MYZAP: variants seen among roughly 807,000 people sequenced by gnomAD.
MYZAP encodes the protein GRINL1A complex locus upstream.
MYZAP carries 66 observed loss-of-function variants against 69.4 expected under a neutral mutation model. The ratio of observed to expected loss-of-function variants is 0.95; its 90% confidence interval spans 0.78 to 1.17. The LOEUF (loss-of-function observed/expected upper bound fraction) is 1.17. Among genes scored for constraint, MYZAP ranks in the 50% most tolerant of loss-of-function variants. MYZAP has a pLI of 0.00. For missense variants in MYZAP, 611 were observed against 556.2 expected (o/e 1.10, Z -0.99); for synonymous variants, 256 against 205.9 (o/e 1.24, Z -2.09).
chr15:57,675,291 G>C (rs2039062714), intron 12 of MYZAP, among the ~76,000 whole-genome samples: 1 of 152,142 alleles, frequency 6.6e-6, no homozygotes, highest in East Asian at 1.9e-4. Context: ...GCCATTTAGA[G>C]AGAGATGGGC....
At chr15:57,655,712 C>A (rs944834610) in intron 10 of MYZAP, among the ~76,000 whole-genome samples, 1 of 152,156 alleles carries the variant, frequency 6.6e-6, no homozygotes, top group Non-Finnish European at 1.5e-5. Context: ...CATGATTGAT[C>A]GGGCTGCAAG....
Position 57,665,279 on chromosome 15 carries a change from G to A in MYZAP, c.1203+3746G>A, listed in dbSNP as rs539186235. ...TCATCCTGGGAGGGTGAGGCTGGAC[G>A]TGAGTCTTATAGGCTGGCAATATTT... On this transcript the variant is annotated intron_variant, in intron 11 of 12. Transcript: ENST00000267853. 3.4e-4 allele frequency among the ~76,000 whole-genome samples: 52 copies of A among 152,338 alleles called. No homozygotes were observed. The South Asian group carries it at 9.3e-3, about 27-fold the overall frequency.
chr15:57,644,719 G>T (rs573279004), intron 10 of MYZAP, among the ~76,000 whole-genome samples: 3 of 152,208 alleles, frequency 2.0e-5, no homozygotes, highest in African/African-American at 7.2e-5. Flanking sequence ...TCCCATCTTG[G>T]CCTCTCAGAG....
chr15:57,633,803 A>G (rs2036653237), intron 8 of MYZAP, 62 bp downstream of exon 8: 1 of 1,401,172 alleles, frequency 7.1e-7, no homozygotes, highest in Admixed American at 2.6e-5. Flanking sequence ...GGTCCATCTG[A>G]GATACGAGAG....
In MYZAP at chr15:57,592,031, C is replaced by A. The variant is rs544581323; in HGVS notation, c.-4C>A. On this transcript the variant is annotated 5_prime_UTR_variant, in exon 1 of 13. Coordinates refer to ENST00000267853, the MANE Select transcript of MYZAP (RefSeq NM_001018100.5). The stretch of plus-strand genomic sequence containing the variant: ...TCCAGCCCGCTACCGACCGCCGCTG[C>A]GGGATGCTGCGCTCCACGTCCACGG... 5.5e-5 allele frequency: 79 copies of A among 1,435,182 alleles called. No individual in the cohort carries two copies. The Middle Eastern group carries it at 9.7e-4, about 18-fold the overall frequency. The allele number at this position is 1,435,182 out of a possible 1,614,324, so 88.9% of individuals were successfully genotyped here. A position where few individuals can be genotyped will look rare whatever the true frequency, so the allele number is the denominator to read the frequency against.
intron 10 of MYZAP, chr15:57,646,449 A>C: frequency 9.5e-7 from 1 of 1,053,674 alleles, no homozygotes; most frequent in South Asian, 3.1e-5. Flanking sequence ...GAGTATTTTT[A>C]GGAACTTGAG....
rs192170541 is a variant in MYZAP at position 57,679,303 on chromosome 15, C to T, written c.1304+4235C>T. On this transcript the variant is annotated intron_variant, in intron 12 of 12. Coordinates refer to ENST00000267853, the MANE Select transcript of MYZAP (RefSeq NM_001018100.5). ...ACATGATTTATTTATTTAATAAAGG[C>T]CTTGGATGAAGTCATTCCTGCTTAT... Among the ~76,000 whole-genome samples the T allele has an allele frequency of 9.5e-5, 14 of 147,580 alleles. No individual in the cohort carries two copies. The East Asian group carries it at 2.8e-3, about 30-fold the overall frequency.
At chr15:57,677,003 A>G (rs1259575683) in intron 12 of MYZAP, among the ~76,000 whole-genome samples, 1 of 152,258 alleles carries the variant, frequency 6.6e-6, no homozygotes, top group Non-Finnish European at 1.5e-5. Flanking sequence ...CCGAAAAGGC[A>G]GAATAATATT....
At position 57,684,630 on chromosome 15, in the gene MYZAP, G is replaced by C; in HGVS notation, c.*132G>C. 1 of 650,112 alleles carries C rather than the reference G, an allele frequency of 1.5e-6. No individual in the cohort carries two copies. The highest frequency in any genetic ancestry group is 1.9e-5 in the South Asian group (1 of 52,392). 40.3% of individuals were successfully genotyped at this position (650,112 alleles called of 1,614,324 possible). A position where few individuals can be genotyped will look rare whatever the true frequency, so the allele number is the denominator to read the frequency against. Reference sequence around the variant, plus strand: ...CCGGAATGGGAATCGCTGAGGCTCTGATCCACTTCTAAGACAGGAAGGAAA... The same window carrying C: ...CCGGAATGGGAATCGCTGAGGCTCTCATCCACTTCTAAGACAGGAAGGAAA... On this transcript the variant is annotated 3_prime_UTR_variant, in exon 13 of 13. Coordinates refer to ENST00000267853, the MANE Select transcript of MYZAP (RefSeq NM_001018100.5).
chr15:57,626,958 AAGCCCCACTGGGTCTGGTTTGCTC>A (rs1350241420), intron 5 of MYZAP, among the ~76,000 whole-genome samples: 1 of 152,092 alleles, frequency 6.6e-6, no homozygotes, highest in Non-Finnish European at 1.5e-5. Flanking sequence ...GCCTCAGGCC[AAGCCCCACTGGGTCTGGTTTGCTC>A]AGCAGCCTTT....
At chr15:57,681,901 A>T (rs1487302373) in intron 12 of MYZAP, among the ~76,000 whole-genome samples, 2 of 152,200 alleles carry the variant, frequency 1.3e-5, no homozygotes, top group African/African-American at 4.8e-5. Flanking sequence ...AAAGTTTAAA[A>T]TACACCCCCT....
intron 3 of MYZAP, 28 bp downstream of exon 3, chr15:57,618,216 C>G (rs375935328): frequency 1.2e-6 from 2 of 1,608,028 alleles, no homozygotes; most frequent in South Asian, 1.1e-5. Context: ...TTTTGCCCCC[C>G]ACCTGTATTC....
intron 12 of MYZAP, among the ~76,000 whole-genome samples, chr15:57,675,980 G>A (rs1170922603): frequency 5.9e-5 from 9 of 151,986 alleles, no homozygotes; most frequent in African/African-American, 1.2e-4. Flanking sequence ...GAAAAATGTC[G>A]AATCCTGGAA....
chr15:57,625,893 G>T lies in MYZAP; in HGVS notation c.525+1G>T. The T allele has an allele frequency of 1.9e-6, 3 of 1,613,166 alleles. No individual in the cohort carries two copies. The highest frequency in any genetic ancestry group is 1.1e-5 in the South Asian group (1 of 91,026). ...GGCATCAGATTCCATTGGCCTGCAG[G>T]TACTCATCTGCTTACTGCTATGACA... On this transcript the variant is annotated splice_donor_variant, in intron 5 of 12. Transcript: ENST00000267853. LOFTEE classifies it high-confidence loss of function.
chr15:57,629,437 A>G (rs1834486), intron 5 of MYZAP, among the ~76,000 whole-genome samples: 8,083 of 152,220 alleles, frequency 0.053, 750 homozygotes, highest in African/African-American at 0.18. Context: ...ATTTCCATCC[A>G]TCCTAAGCAG....
chr15:57,648,382 G>T, intron 10 of MYZAP: 1 of 985,308 alleles, frequency 1.0e-6, no homozygotes, highest in Non-Finnish European at 1.2e-6. Context: ...CAGACACCTG[G>T]TGCCCAGTTT....
intron 4 of MYZAP, among the ~76,000 whole-genome samples, chr15:57,625,279 G>T (rs2036061799): frequency 6.6e-6 from 1 of 152,096 alleles, no homozygotes; most frequent in African/African-American, 2.4e-5. Flanking sequence ...TCACCACGTT[G>T]GCCAGGCTGG....
At chr15:57,634,891 G>C (rs1364737681) in intron 8 of MYZAP, among the ~76,000 whole-genome samples, 1 of 152,194 alleles carries the variant, frequency 6.6e-6, no homozygotes, top group African/African-American at 2.4e-5. Flanking sequence ...TGGTGGTGAA[G>C]ATTGGGCAAC....
chr15:57,602,450 A>G lies in MYZAP; in HGVS notation c.76-1819A>G, dbSNP rs563685547. Reference sequence around the variant, plus strand: ...CTCTCCCCAAATTTCCCACTCTTATAAGGACACCAGTCATTTTGATTTAGG... The same window carrying G: ...CTCTCCCCAAATTTCCCACTCTTATGAGGACACCAGTCATTTTGATTTAGG... On this transcript the variant is annotated intron_variant, in intron 1 of 12. Coordinates refer to ENST00000267853, the MANE Select transcript of MYZAP (RefSeq NM_001018100.5). Among the ~76,000 whole-genome samples, 7 of 152,190 alleles carry G rather than the reference A, an allele frequency of 4.6e-5. No homozygotes were observed. In the South Asian group the frequency reaches 1.5e-3, roughly 32 times the overall value.
Sources: gnomAD v4.1 joint callset for allele counts (sites outside exome capture counted in the v4.1 genomes callset) on GRCh38, gnomAD v4.1.1 for gene constraint, MANE v1.5 for transcripts, NCBI Gene and HGNC (gene_info 2026-07-23, HGNC 2026-07-21) for gene names.